Variants in MARCHF6 observed in about 807,000 individuals in gnomAD.
MARCHF6 encodes E3 ubiquitin-protein ligase MARCHF6.
A neutral mutation model predicts 133.7 loss-of-function variants in MARCHF6; 31 were observed. The observed-to-expected ratio is 0.23, with a 90% CI of 0.17 to 0.31. The LOEUF is 0.31. Ranked by LOEUF, MARCHF6 falls within the 10% of genes least tolerant of loss-of-function variation. MARCHF6 has a pLI of 1.00. For synonymous variants in MARCHF6, 395 were observed against 402.5 expected (o/e 0.98, Z 0.22); for missense variants, 723 against 1,121.6 (o/e 0.64, Z 5.08).
chr5:10,427,243 A>G (rs1371431210), intron 24 of MARCHF6, among the ~76,000 whole-genome samples: 1 of 152,148 alleles, frequency 6.6e-6, no homozygotes, highest in East Asian at 1.9e-4. Context: ...TTCGTCTCCT[A>G]CCCTAACTTT....
chr5:10,381,792 G>C lies in MARCHF6; in HGVS notation c.191-8G>C, dbSNP rs775091901. On this transcript the variant is annotated splice_region_variant and splice_polypyrimidine_tract_variant and intron_variant, in intron 3 of 25. Transcript: ENST00000274140. ...ATGAAACTGTAAGTACTTTTTTTCC[G>C]CTTATAGTTTATTCTCCAGATATGC... The C allele has an allele frequency of 6.4e-7, 1 of 1,572,052 alleles. No homozygotes were observed. The highest frequency in any genetic ancestry group is 1.4e-5 in the African/African-American group (1 of 72,100).
intron 25 of MARCHF6, among the ~76,000 whole-genome samples, chr5:10,432,934 ACT>A (rs1740439641): frequency 7.7e-6 from 1 of 130,606 alleles, no homozygotes; most frequent in African/African-American, 3.0e-5. Context: ...ACGGAGTCAC[ACT>A]CTGTCACCCA....
At position 10,433,985 on chromosome 5, in the gene MARCHF6, T is replaced by A. The variant is rs1740489529; in HGVS notation, c.*301T>A. ...ACAAAATGTATATTAATTTATTAAA[T>A]CTAGTTGTCACTTTATTTTGGACCT... On this transcript the variant is annotated 3_prime_UTR_variant, in exon 26 of 26. Coordinates refer to ENST00000274140, the MANE Select transcript of MARCHF6 (RefSeq NM_005885.4). 3.3e-6 allele frequency: 1 copy of A among 301,920 alleles called. No individual in the cohort carries two copies. Among genetic ancestry groups the A allele is most frequent in the Non-Finnish European group, 6.3e-6 (1 of 157,958 alleles). 18.7% of individuals were successfully genotyped at this position (301,920 alleles called of 1,614,324 possible). A position where few individuals can be genotyped will look rare whatever the true frequency, so the allele number is the denominator to read the frequency against.
rs373619297 is a variant in MARCHF6 at position 10,436,844 on chromosome 5, C to T, written c.*3160C>T. Reference sequence around the variant, plus strand: ...CTCTGGAGAAACAATGAAGATGGGCCATCTCAATTCCAGATGTAAACAAAA... The same window carrying T: ...CTCTGGAGAAACAATGAAGATGGGCTATCTCAATTCCAGATGTAAACAAAA... On this transcript the variant is annotated 3_prime_UTR_variant, in exon 26 of 26. Transcript: ENST00000274140. 5 of 152,276 alleles carry T rather than the reference C, an allele frequency of 3.3e-5. No homozygotes were observed. In the East Asian group the frequency reaches 9.6e-4, roughly 29 times the overall value. 9.4% of individuals were successfully genotyped at this position (152,276 alleles called of 1,614,324 possible).
chr5:10,427,661 A>G (rs1309508116), intron 24 of MARCHF6, among the ~76,000 whole-genome samples: 2 of 152,174 alleles, frequency 1.3e-5, no homozygotes, highest in African/African-American at 2.4e-5. Flanking sequence ...GCAGTGTAAC[A>G]TGTATACTTG....
Position 10,381,687 on chromosome 5 carries a change from A to C in MARCHF6, c.191-113A>C, listed in dbSNP as rs957163950. 7.4e-6 allele frequency: 6 copies of C among 810,508 alleles called. No individual in the cohort carries two copies. The African/African-American group carries it at 1.1e-4, about 15-fold the overall frequency. The allele number at this position is 810,508 out of a possible 1,614,324, so 50.2% of individuals were successfully genotyped here. ...TGGTTTATTTTTTTTAAATAGGAAA[A>C]AAATTAAGCACAAGGCAAATATTGG... On this transcript the variant is annotated intron_variant, in intron 3 of 25. Coordinates refer to ENST00000274140, the MANE Select transcript of MARCHF6 (RefSeq NM_005885.4).
chr5:10,403,541 G>A lies in MARCHF6; in HGVS notation c.1332G>A (p.Glu444=). ...YFASFILLLR[E]VLRPGVLWFL... Reference sequence around the variant, plus strand: ...CCTCCTTCATTCTACTACTGAGAGAGGTAAGTCCACAGGGAAATGCTGATG... The same window carrying A: ...CCTCCTTCATTCTACTACTGAGAGAAGTAAGTCCACAGGGAAATGCTGATG... Residue 444 remains glutamate, a splice_region_variant and synonymous_variant, in exon 15 of 26, where the codon GAG becomes GAA. Transcript: ENST00000274140. The A allele has an allele frequency of 2.5e-6, 4 of 1,607,910 alleles. No individual in the cohort carries two copies. Among genetic ancestry groups the A allele is most frequent in the Non-Finnish European group, 3.4e-6 (4 of 1,177,980 alleles).
rs1280985939 is a variant in MARCHF6, at chr5:10,439,477, G to A, written c.*5793G>A. ...CAAAATTGAGAACTTCTCTTTGAAA[G>A]GTACCATAAGGAGAACAAAAAGACA... is the stretch of plus-strand genomic sequence containing the variant. On this transcript the variant is annotated 3_prime_UTR_variant, in exon 26 of 26. Coordinates refer to ENST00000274140, the MANE Select transcript of MARCHF6 (RefSeq NM_005885.4). 2.0e-5 allele frequency: 3 copies of A among 152,158 alleles called. No individual in the cohort carries two copies. The highest frequency in any genetic ancestry group is 7.2e-5 in the African/African-American group (3 of 41,432). 9.4% of individuals were successfully genotyped at this position (152,158 alleles called of 1,614,324 possible).
chr5:10,413,592 T>G (rs1739347656), intron 19 of MARCHF6: 1 of 152,270 alleles, frequency 6.6e-6, no homozygotes, highest in Non-Finnish European at 1.5e-5. Context: ...CTGGGTAATT[T>G]ATAAAGGAAC....
rs536501283 is a variant in MARCHF6, at chr5:10,405,316, G to GT, written c.1333-232dup. 8.7e-3 allele frequency among the ~76,000 whole-genome samples: 1,295 copies of GT among 149,088 alleles called. 14 individuals are homozygous for GT. The highest frequency in any genetic ancestry group is 0.029 in the African/African-American group (1,194 of 40,698). Reference sequence around the variant, plus strand: ...TCTTGACACATTGGACCCAATGAATGTTTTTTTTTTCCCCCGCCCCTAGTG... The same window carrying GT: ...TCTTGACACATTGGACCCAATGAATGTTTTTTTTTTTCCCCCGCCCCTAGTG... On this transcript the variant is annotated intron_variant, in intron 15 of 25. Coordinates refer to ENST00000274140, the MANE Select transcript of MARCHF6 (RefSeq NM_005885.4).
intron 25 of MARCHF6, among the ~76,000 whole-genome samples, chr5:10,430,268 C>A (rs1740298372): frequency 7.0e-6 from 1 of 143,732 alleles, no homozygotes; most frequent in South Asian, 2.2e-4. Flanking sequence ...CTGGGTGAAA[C>A]TGTTTTGGAG....
intron 1 of MARCHF6, among the ~76,000 whole-genome samples, chr5:10,374,427 C>T (rs1001718079): frequency 1.3e-5 from 2 of 152,104 alleles, no homozygotes; most frequent in Non-Finnish European, 2.9e-5. Context: ...CCTGAGTTTC[C>T]CTGGAGCTGA....
Position 10,371,474 on chromosome 5 carries a change from A to T in MARCHF6, c.20-6324A>T, listed in dbSNP as rs113859725. ...ACAATCATGGTGGAGGGCAAGGAGG[A>T]GCAAGTCACAGGGATGGCAGCAGGC... On this transcript the variant is annotated intron_variant, in intron 1 of 25. Coordinates refer to ENST00000274140, the MANE Select transcript of MARCHF6 (RefSeq NM_005885.4). 7.5e-3 allele frequency among the ~76,000 whole-genome samples: 1,138 copies of T among 152,334 alleles called. 10 individuals carry two copies. The highest frequency in any genetic ancestry group is 0.044 in the Middle Eastern group (13 of 294).
At chr5:10,420,349 A>C (rs1181972557) in intron 22 of MARCHF6, among the ~76,000 whole-genome samples, 1 of 152,188 alleles carries the variant, frequency 6.6e-6, no homozygotes, top group Non-Finnish European at 1.5e-5. Flanking sequence ...CAGGTATGTT[A>C]CATTGCAGTG....
In MARCHF6 at chr5:10,439,000, C is replaced by T. The variant is rs1166828545; in HGVS notation, c.*5316C>T. ...ACTTTTCTTCACATATGTAACAGTG[C>T]CGGAGTTTTTCTGCTTCTCTGTGTT... On this transcript the variant is annotated 3_prime_UTR_variant, in exon 26 of 26. Transcript: ENST00000274140. 1 of 152,190 alleles carries T rather than the reference C, an allele frequency of 6.6e-6. No individual in the cohort carries two copies. The highest frequency in any genetic ancestry group is 1.5e-5 in the Non-Finnish European group (1 of 68,042). 9.4% of individuals were successfully genotyped at this position (152,190 alleles called of 1,614,324 possible). A position where few individuals can be genotyped will look rare whatever the true frequency, so the allele number is the denominator to read the frequency against.
Position 10,381,350 on chromosome 5 carries a change from C to T in MARCHF6, c.191-450C>T, listed in dbSNP as rs150291528. On this transcript the variant is annotated intron_variant, in intron 3 of 25. Coordinates refer to ENST00000274140, the MANE Select transcript of MARCHF6 (RefSeq NM_005885.4). ...TGCTCCCACATGAAATGATCTGCTG[C>T]GGACTGTTGTGCTTTTTGAGTGCTA... Among the ~76,000 whole-genome samples the T allele has an allele frequency of 2.4e-4, 36 of 152,238 alleles. No individual in the cohort carries two copies. In the East Asian group the frequency reaches 6.6e-3, roughly 28 times the overall value.
intron 23 of MARCHF6, among the ~76,000 whole-genome samples, chr5:10,425,628 C>T (rs188659260): frequency 1.3e-5 from 2 of 152,238 alleles, no homozygotes; most frequent in East Asian, 1.9e-4. Context: ...ATTCAAATTC[C>T]GAGGTGATGG....
chr5:10,411,469 G>A lies in MARCHF6; in HGVS notation c.1828G>A (p.Ala610Thr). Residue 610 changes from alanine to threonine, a missense_variant, in exon 19 of 26, where the codon GCC becomes ACC. Ala to Thr is a moderately conservative substitution (Grantham distance 58). Coordinates refer to ENST00000274140, the MANE Select transcript of MARCHF6 (RefSeq NM_005885.4). ...VGEGLHAAHQ[A>T]ILQQGGPVGF... ...AGAAGGCCTTCATGCAGCCCACCAA[G>A]CCATACTCCAGCAGGGAGGGCCTGT... 6.2e-7 allele frequency: 1 copy of A among 1,614,240 alleles called. No homozygotes were observed. The highest frequency in any genetic ancestry group is 8.5e-7 in the Non-Finnish European group (1 of 1,180,040).
intron 1 of MARCHF6, among the ~76,000 whole-genome samples, chr5:10,369,917 T>G (rs1270732927): frequency 2.6e-5 from 4 of 152,048 alleles, no homozygotes; most frequent in Non-Finnish European, 5.9e-5. Flanking sequence ...TTGTTTCTAG[T>G]TTTGGGGAAT....
Sources: gnomAD v4.1 joint callset for allele counts (sites outside exome capture counted in the v4.1 genomes callset) on GRCh38, gnomAD v4.1.1 for gene constraint, MANE v1.5 for transcripts, NCBI Gene and HGNC (gene_info 2026-07-23, HGNC 2026-07-21) for gene names.